Variants in NEK11 observed in about 807,000 individuals in gnomAD.
NEK11 encodes serine/threonine-protein kinase Nek11.
A neutral mutation model predicts 80.7 loss-of-function variants in NEK11; 72 were observed. The ratio of observed to expected loss-of-function variants is 0.89; its 90% confidence interval spans 0.74 to 1.08. The LOEUF (loss-of-function observed/expected upper bound fraction) is 1.08, where lower values mean the gene tolerates loss of function less well. NEK11 is among the 50% of genes least tolerant of loss of function. NEK11 has a pLI of 0.00. For synonymous variants in NEK11, 251 were observed against 260.7 expected (o/e 0.96, Z 0.36); for missense variants, 764 against 763.6 (o/e 1.00, Z -0.01).
chr3:131,231,555 G>C (rs112866436), intron 15 of NEK11, among the ~76,000 whole-genome samples: 1 of 151,418 alleles, frequency 6.6e-6, no homozygotes, highest in African/African-American at 2.4e-5. Context: ...AATTTGTTTA[G>C]AGTAGCAAAA....
At chr3:131,072,351 C>T (rs2073535893) in intron 3 of NEK11, 1 of 152,172 alleles carries the variant, frequency 6.6e-6, no homozygotes, top group South Asian at 2.1e-4. Flanking sequence ...AGAGTTTCCT[C>T]TCATGCTTCT....
chr3:131,338,266 G>T (rs6439284), intron 17 of NEK11, among the ~76,000 whole-genome samples: 86,713 of 94,296 alleles, frequency 0.92, 39,764 homozygotes, highest in Non-Finnish European at 0.98. Flanking sequence ...CGCCCAGCTG[G>T]TTTTTTTTTT....
intron 16 of NEK11, among the ~76,000 whole-genome samples, chr3:131,272,577 G>A (rs970440126): frequency 1.4e-5 from 2 of 140,432 alleles, no homozygotes; most frequent in Non-Finnish European, 3.0e-5. Flanking sequence ...CCAAGTTCAA[G>A]TGATTCTCCT....
In NEK11 at chr3:131,172,177, G is replaced by A. The variant is rs115532607; in HGVS notation, c.1399+1290G>A. Among the ~76,000 whole-genome samples the A allele has an allele frequency of 4.7e-3, 711 of 152,270 alleles. 4 individuals are homozygous for A. Among genetic ancestry groups the A allele is most frequent in the African/African-American group, 0.015 (643 of 41,546 alleles). ...TTCTGTGCTCCAGTAGTAGCCCATC[G>A]GGAGGCATCATAGCCTCTGAGAGAA... On this transcript the variant is annotated intron_variant, in intron 14 of 17. Transcript: ENST00000383366.
At position 131,348,827 on chromosome 3, in the gene NEK11, G is replaced by A. The variant is rs146707754; in HGVS notation, c.1719-730G>A. Among the ~76,000 whole-genome samples the A allele has an allele frequency of 5.9e-4, 89 of 152,042 alleles. 1 individual carries two copies. Among genetic ancestry groups the A allele is most frequent in the African/African-American group, 2.0e-3 (81 of 41,472 alleles). ...TCAGTTTCTTCATCTGTAAAATAGGGATTTAAAAAATTGCCTCCTTCGTAC... is the reference window on the plus strand; with the variant it reads ...TCAGTTTCTTCATCTGTAAAATAGGAATTTAAAAAATTGCCTCCTTCGTAC... On this transcript the variant is annotated intron_variant, in intron 17 of 17. Transcript: ENST00000383366.
At chr3:131,198,308 C>T (rs982309047) in intron 14 of NEK11, among the ~76,000 whole-genome samples, 8 of 152,162 alleles carry the variant, frequency 5.3e-5, no homozygotes, top group Admixed American at 4.6e-4. Context: ...TCTAAAAGGT[C>T]CCTTCAAGTG....
At chr3:131,168,365 A>C (rs2718882) in intron 12 of NEK11, among the ~76,000 whole-genome samples, 2 of 147,218 alleles carry the variant, frequency 1.4e-5, no homozygotes, top group Non-Finnish European at 3.0e-5. Context: ...TTATTTATTT[A>C]TTTTTTTTTG....
At chr3:131,086,165 T>C (rs2075958376) in intron 4 of NEK11, among the ~76,000 whole-genome samples, 1 of 152,188 alleles carries the variant, frequency 6.6e-6, no homozygotes, top group South Asian at 2.1e-4. Flanking sequence ...TTGTGGGGTT[T>C]TTCACTGTAA....
chr3:131,198,453 T>C (rs979178685), intron 14 of NEK11, among the ~76,000 whole-genome samples: 1 of 152,234 alleles, frequency 6.6e-6, no homozygotes, highest in Non-Finnish European at 1.5e-5. Flanking sequence ...GAGCCTGATA[T>C]TTAAGTAAAC....
At chr3:131,162,863 C>G (rs769172788) in intron 11 of NEK11, among the ~76,000 whole-genome samples, 16 of 152,128 alleles carry the variant, frequency 1.1e-4, no homozygotes, top group Non-Finnish European at 1.5e-4. Flanking sequence ...CTGTTTCACC[C>G]GGATTCCCTA....
At chr3:131,219,600 AG>A (rs2094954088) in intron 14 of NEK11, among the ~76,000 whole-genome samples, 2 of 151,802 alleles carry the variant, frequency 1.3e-5, no homozygotes, top group Admixed American at 1.3e-4. Flanking sequence ...CAGGGACACC[AG>A]GGTATGCATG....
chr3:131,280,452 T>C (rs888369599), intron 17 of NEK11, among the ~76,000 whole-genome samples: 25 of 152,320 alleles, frequency 1.6e-4, no homozygotes, highest in African/African-American at 5.8e-4. Flanking sequence ...ATTAATCTTT[T>C]CTTCTGCAAT....
At chr3:131,282,626 G>T (rs2096414683) in intron 17 of NEK11, among the ~76,000 whole-genome samples, 1 of 150,992 alleles carries the variant, frequency 6.6e-6, no homozygotes, top group Non-Finnish European at 1.5e-5. Context: ...TAACAGTGAG[G>T]TCAGACCTCA....
intron 15 of NEK11, among the ~76,000 whole-genome samples, chr3:131,234,617 A>G (rs1262932516): frequency 6.6e-6 from 1 of 151,620 alleles, no homozygotes; most frequent in Non-Finnish European, 1.5e-5. Flanking sequence ...TGAGGTGACA[A>G]TTTCCACCCC....
At chr3:131,283,256 C>T (rs2096424635) in intron 17 of NEK11, among the ~76,000 whole-genome samples, 1 of 152,140 alleles carries the variant, frequency 6.6e-6, no homozygotes, top group Non-Finnish European at 1.5e-5. Context: ...CTCTTAATTA[C>T]CACAGGCCTT....
intron 14 of NEK11, among the ~76,000 whole-genome samples, chr3:131,173,973 G>A (rs1437522815): frequency 6.6e-6 from 1 of 152,072 alleles, no homozygotes; most frequent in Non-Finnish European, 1.5e-5. Flanking sequence ...AATAGTTTTA[G>A]GTGGATCAGA....
At chr3:131,102,350 A>C (rs1652531396) in intron 4 of NEK11, among the ~76,000 whole-genome samples, 1 of 152,152 alleles carries the variant, frequency 6.6e-6, no homozygotes, top group Non-Finnish European at 1.5e-5. Flanking sequence ...TCCCTTAAGG[A>C]CCACTCGTGA....
intron 5 of NEK11, among the ~76,000 whole-genome samples, chr3:131,111,924 C>T (rs575365708): frequency 6.6e-6 from 1 of 152,060 alleles, no homozygotes; most frequent in Non-Finnish European, 1.5e-5. Context: ...GTTTTAAAAA[C>T]GATGACAGTA....
chr3:131,209,467 G>C (rs1055156980), intron 14 of NEK11, among the ~76,000 whole-genome samples: 3 of 152,122 alleles, frequency 2.0e-5, no homozygotes, highest in Admixed American at 2.0e-4. Flanking sequence ...GCCAGACTTT[G>C]GTATCAGGAT....
Sources: gnomAD v4.1 joint callset for allele counts (sites outside exome capture counted in the v4.1 genomes callset) on GRCh38, gnomAD v4.1.1 for gene constraint, MANE v1.5 for transcripts, NCBI Gene and HGNC (gene_info 2026-07-23, HGNC 2026-07-21) for gene names.